Variants in GCN1 observed in about 807,000 individuals in gnomAD.
GCN1 encodes the protein GCN1 activator of EIF2AK4, also known as stalled ribosome sensor GCN1.
A neutral mutation model predicts 288.4 loss-of-function variants in GCN1; 90 were observed. The observed-to-expected ratio is 0.31, with a 90% CI of 0.26 to 0.37. The LOEUF is 0.37. GCN1 is among the 10% of genes least tolerant of loss of function. GCN1 has a pLI of 1.00. For missense variants in GCN1, 2,586 were observed against 3,419.9 expected (o/e 0.76, Z 6.08); for synonymous variants, 1,386 against 1,420.2 (o/e 0.98, Z 0.54).
Position 120,151,364 on chromosome 12 carries a change from G to A in GCN1, c.4090C>T (p.Pro1364Ser), listed in dbSNP as rs773511653. Residue 1364 changes from proline (P) to serine (S), a missense_variant, in exon 34 of 58, where the codon CCA becomes TCA. Physicochemically the swap from Pro to Ser is moderately conservative, Grantham distance 74 (BLOSUM62 -1). Transcript: ENST00000300648. ...QVQESVASCL[P>S]PLVPAIKEDA... Reference sequence around the variant, plus strand: ...TCCTTGATGGCTGGCACAAGGGGTGGCAAGCAGCTGGCTACGGACTCCTGG... The same window carrying A: ...TCCTTGATGGCTGGCACAAGGGGTGACAAGCAGCTGGCTACGGACTCCTGG... The A allele has an allele frequency of 5.0e-6, 8 of 1,613,652 alleles. No homozygotes were observed. Among genetic ancestry groups the A allele is most frequent in the Non-Finnish European group, 6.8e-6 (8 of 1,179,830 alleles).
intron 53 of GCN1, among the ~76,000 whole-genome samples, chr12:120,132,742 A>C (rs1876871721): frequency 6.6e-6 from 1 of 152,226 alleles, no homozygotes; most frequent in South Asian, 2.1e-4. Context: ...TACAGGTGCC[A>C]ACTCAACATG....
intron 11 of GCN1, 76 bp downstream of exon 11, chr12:120,175,669 TC>T: frequency 4.8e-6 from 7 of 1,448,184 alleles, no homozygotes; most frequent in Non-Finnish European, 5.6e-6. Flanking sequence ...GAGCATCAAG[TC>T]CCCTTCAGAT....
chr12:120,144,746 C>T lies in GCN1; in HGVS notation c.5245G>A (p.Ala1749Thr). Reference sequence around the variant, plus strand: ...ATGTAGCCATCTCGGACATGGGGTGCAATGTCCACTTTGCTGGCTGTAGCC... The same window carrying T: ...ATGTAGCCATCTCGGACATGGGGTGTAATGTCCACTTTGCTGGCTGTAGCC... ...IVATASKVDI[A>T]PHVRDGYIMM... Residue 1749 changes from alanine (A) to threonine (T), a missense_variant, in exon 41 of 58, where the codon GCA becomes ACA. Ala to Thr is a moderately conservative substitution (Grantham distance 58, BLOSUM62 0). This residue lies in a region of GCN1 where 371 missense variants were observed against 572.6 expected (regional missense o/e 0.65). Coordinates refer to ENST00000300648, the MANE Select transcript of GCN1 (RefSeq NM_006836.2). The surrounding 1 kb of genome is among the most constrained non-coding windows in gnomAD (Gnocchi z 4.7). 1 of 1,613,904 alleles carries T rather than the reference C, an allele frequency of 6.2e-7. No homozygotes were observed.
chr12:120,134,263 C>T lies in GCN1; in HGVS notation c.7317+28G>A. 6.8e-7 allele frequency: 1 copy of T among 1,475,914 alleles called. No homozygotes were observed. Among genetic ancestry groups the T allele is most frequent in the South Asian group, 1.1e-5 (1 of 88,420 alleles). 91.4% of individuals were successfully genotyped at this position (1,475,914 alleles called of 1,614,324 possible). A position where few individuals can be genotyped will look rare whatever the true frequency, so the allele number is the denominator to read the frequency against. On this transcript the variant is annotated intron_variant, in intron 53 of 57. Coordinates refer to ENST00000300648, the MANE Select transcript of GCN1 (RefSeq NM_006836.2). This position sits in a 1 kb window ranked among gnomAD's most constrained non-coding sequence, Gnocchi z 5.0. ...GAGGAGGGAAACCAGTGGTCCAGTG[C>T]TGCCACTAGTCCTGCCTGCAGCCGT...
chr12:120,151,530 G>A (rs1877555017), intron 33 of GCN1, 139 bp from the exon 34 acceptor site: 3 of 803,336 alleles, frequency 3.7e-6, no homozygotes, highest in Non-Finnish European at 5.9e-6. Flanking sequence ...GATGTCACAG[G>A]GCACCAGAGA....
chr12:120,135,428 A>G (rs1876969219), intron 51 of GCN1, among the ~76,000 whole-genome samples: 1 of 151,528 alleles, frequency 6.6e-6, no homozygotes, highest in South Asian at 2.1e-4. Flanking sequence ...GCAAGGCGCG[A>G]TCTCAGCTCA....
At chr12:120,167,668 A>T (rs913293117) in intron 16 of GCN1, among the ~76,000 whole-genome samples, 1 of 152,258 alleles carries the variant, frequency 6.6e-6, no homozygotes, top group East Asian at 1.9e-4. Flanking sequence ...TTTAGCTAAA[A>T]ATTTTTCTAA....
At position 120,127,750 on chromosome 12, in the gene GCN1, C is replaced by CATGGG; in HGVS notation, c.*98_*99insCCCAT. The CATGGG allele has an allele frequency of 7.7e-7, 1 of 1,300,078 alleles. No homozygotes were observed. The highest frequency in any genetic ancestry group is 1.1e-6 in the Non-Finnish European group (1 of 924,928). 80.5% of individuals were successfully genotyped at this position (1,300,078 alleles called of 1,614,324 possible). On this transcript the variant is annotated 3_prime_UTR_variant, in exon 58 of 58. Transcript: ENST00000300648. ...TTGATATTAAAATACTTTCTGGGAACGCCATCTTCCAAGCTCCCCATTGGA... is the reference window on the plus strand; with the variant it reads ...TTGATATTAAAATACTTTCTGGGAACATGGGGCCATCTTCCAAGCTCCCCATTGGA...
At chr12:120,128,232 C>T (rs909938931) in intron 57 of GCN1, among the ~76,000 whole-genome samples, 1 of 152,218 alleles carries the variant, frequency 6.6e-6, no homozygotes, top group African/African-American at 2.4e-5. Context: ...TCCAGTGATC[C>T]TCCCACCTTG....
At chr12:120,185,910 T>G (rs906500707) in intron 2 of GCN1, among the ~76,000 whole-genome samples, 2 of 152,140 alleles carry the variant, frequency 1.3e-5, no homozygotes, top group Non-Finnish European at 2.9e-5. Context: ...AAGCCCATTT[T>G]TAAATGAAGA....
rs914205287 is a variant in GCN1, at chr12:120,127,989, G to A, written c.7891-15C>T. On this transcript the variant is annotated splice_polypyrimidine_tract_variant and intron_variant, in intron 57 of 57. Coordinates refer to ENST00000300648, the MANE Select transcript of GCN1 (RefSeq NM_006836.2). ...TTGGAGAGGGACTGTGGGGAAGGAT[G>A]AGCAGGAGGAAACATAGTCAGAACA... 37 of 1,613,566 alleles carry A rather than the reference G, an allele frequency of 2.3e-5. No homozygotes were observed. Among genetic ancestry groups the A allele is most frequent in the Admixed American group, 3.3e-5 (2 of 59,968 alleles).
Position 120,168,208 on chromosome 12 carries a change from C to T in GCN1, c.1612G>A (p.Ala538Thr). 6.6e-7 allele frequency: 1 copy of T among 1,519,502 alleles called. No homozygotes were observed. The allele number at this position is 1,519,502 out of a possible 1,614,324, so 94.1% of individuals were successfully genotyped here. ...EKFLVMASED[A>T]LCTVLHLTER... is the part of the protein sequence containing the mutation. The stretch of plus-strand genomic sequence containing the variant: ...TTCAACTAAGCATGGAGTAACTTAC[C>T]ATCCTCTGAAGCCATGACCAGGAAT... Residue 538 changes from alanine to threonine, a missense_variant and splice_region_variant, in exon 16 of 58, where the codon GCC (alanine) becomes ACC (threonine). This residue lies in a region of GCN1 where 913 missense variants were observed against 1,107.0 expected (regional missense o/e 0.82). Transcript: ENST00000300648.
In GCN1 at chr12:120,142,282, C is replaced by T. The variant is rs747328983; in HGVS notation, c.5829+225G>A. Among the ~76,000 whole-genome samples the T allele has an allele frequency of 6.6e-6, 1 of 152,056 alleles. No individual in the cohort carries two copies. Among genetic ancestry groups the T allele is most frequent in the African/African-American group, 2.4e-5 (1 of 41,390 alleles). ...CGGAGCTTGCAGTGAGCTGAGATCA[C>T]GCCACTGCACTTCAGCCTGGGCGAC... On this transcript the variant is annotated intron_variant, in intron 44 of 57. Transcript: ENST00000300648. The surrounding 1 kb of genome is among the most constrained non-coding windows in gnomAD (Gnocchi z 4.9).
rs542476668 is a variant in GCN1 at position 120,167,106 on chromosome 12, G to A, written c.1612+1102C>T. On this transcript the variant is annotated intron_variant, in intron 16 of 57. Transcript: ENST00000300648. ...TGTAATCCCAGCACTTTGGGAGGCC[G>A]AGGCAGGTGGATCACCTGAGGTCGG... Among the ~76,000 whole-genome samples the A allele has an allele frequency of 1.2e-4, 18 of 152,054 alleles. No individual in the cohort carries two copies. In the East Asian group the frequency reaches 1.9e-3, roughly 16 times the overall value.
chr12:120,174,789 CA>C (rs1212428710), intron 12 of GCN1, among the ~76,000 whole-genome samples: 1,050 of 30,404 alleles, frequency 0.035, 5 homozygotes, highest in African/African-American at 0.11. Flanking sequence ...GACTCCATCT[CA>C]AAAAAAAAAA....
At position 120,178,733 on chromosome 12, in the gene GCN1, C is replaced by A. The variant is rs1229430554; in HGVS notation, c.552G>T (p.Leu184Phe). 3 of 1,614,108 alleles carry A rather than the reference C, an allele frequency of 1.9e-6. No homozygotes were observed. Among genetic ancestry groups the A allele is most frequent in the Non-Finnish European group, 2.5e-6 (3 of 1,180,032 alleles). The change falls in exon 7 of 58, where the codon TTG (leucine) becomes TTT (phenylalanine). Residue 184 changes from leucine (L) to phenylalanine (F), a missense_variant. By Grantham distance (22) the Leu-to-Phe change is conservative (BLOSUM62 0). This residue lies in a region of GCN1 where 913 missense variants were observed against 1,107.0 expected (regional missense o/e 0.82). Transcript: ENST00000300648. ...KENPGLVEQY[L>F]SAILSLEPNQ... is the part of the protein sequence containing the mutation. Reference sequence around the variant, plus strand: ...TGGGCTCTAGGCTGAGAATGGCTGACAAGTACTGTTCCACCAGCCCGGGGT... The same window carrying A: ...TGGGCTCTAGGCTGAGAATGGCTGAAAAGTACTGTTCCACCAGCCCGGGGT...
At chr12:120,164,978 T>C (rs919598078) in intron 16 of GCN1, among the ~76,000 whole-genome samples, 92 of 144,362 alleles carry the variant, frequency 6.4e-4, no homozygotes, top group African/African-American at 2.1e-3. Flanking sequence ...CACATATATA[T>C]ACATATACAT....
intron 2 of GCN1, among the ~76,000 whole-genome samples, chr12:120,188,665 C>T (rs576840831): frequency 2.6e-5 from 4 of 151,860 alleles, no homozygotes; most frequent in South Asian, 4.2e-4. Flanking sequence ...CTGGCTAACA[C>T]GGTGAAACCC....
rs1424088437 is a variant in GCN1, at chr12:120,156,914, G to C, written c.3166C>G (p.Gln1056Glu). ...WVIGTGSPRL[Q>E]VLASDTLTTL... Reference sequence around the variant, plus strand: ...CAGCCAACTGAAAACCACATCACCTGTAAGCGAGGCGAGCCCGTCCCGATC... The same window carrying C: ...CAGCCAACTGAAAACCACATCACCTCTAAGCGAGGCGAGCCCGTCCCGATC... Residue 1056 changes from glutamine (Q) to glutamate (E), a missense_variant and splice_region_variant, in exon 27 of 58, where the codon CAG becomes GAG. Physicochemically the swap from Gln to Glu is conservative, Grantham distance 29. This residue lies in a region of GCN1 where 153 missense variants were observed against 252.0 expected (regional missense o/e 0.61). Coordinates refer to ENST00000300648, the MANE Select transcript of GCN1 (RefSeq NM_006836.2). The surrounding 1 kb of genome is among the most constrained non-coding windows in gnomAD (Gnocchi z 5.8). 1 of 1,605,284 alleles carries C rather than the reference G, an allele frequency of 6.2e-7. No homozygotes were observed. The highest frequency in any genetic ancestry group is 1.3e-5 in the African/African-American group (1 of 74,732).
Sources: allele counts gnomAD v4.1 joint callset (sites outside exome capture counted in the v4.1 genomes callset), GRCh38; gene constraint gnomAD v4.1.1; regional missense constraint gnomAD v4.1.1; non-coding constraint Gnocchi (gnomAD v3.1); transcripts MANE v1.5; gene names NCBI Gene and HGNC (gene_info 2026-07-23, HGNC 2026-07-21).